Variants in SPATA17 observed in about 807,000 individuals in gnomAD.
SPATA17 encodes spermatogenesis-associated protein 17.
Under a neutral mutation model 62.2 loss-of-function variants are expected in SPATA17, and 53 were observed. The observed-to-expected ratio is 0.85, with a 90% CI of 0.68 to 1.07. The LOEUF is 1.07. Among genes scored for constraint, SPATA17 ranks in the 50% least tolerant of loss-of-function variants. SPATA17 has a pLI of 0.00. For synonymous variants in SPATA17, 146 were observed against 146.8 expected, an observed-to-expected ratio of 0.99 and a Z score of 0.04; for missense variants, 466 against 425.5, an observed-to-expected ratio of 1.10 and a Z score of -0.84.
intron 5 of SPATA17, among the ~76,000 whole-genome samples, chr1:217,718,188 G>A (rs1448163641): frequency 6.6e-6 from 1 of 152,174 alleles, no homozygotes; most frequent in African/African-American, 2.4e-5. Flanking sequence ...AGGAGAAGAT[G>A]AGAATTCAGA....
chr1:217,864,952 T>C (rs577656034), intron 10 of SPATA17, among the ~76,000 whole-genome samples: 5 of 151,736 alleles, frequency 3.3e-5, no homozygotes, highest in African/African-American at 1.2e-4. Flanking sequence ...TATGTTATGG[T>C]TTTTTTTAAT....
At chr1:217,835,517 A>C (rs1675240279) in intron 9 of SPATA17, among the ~76,000 whole-genome samples, 1 of 152,206 alleles carries the variant, frequency 6.6e-6, no homozygotes, top group Admixed American at 6.5e-5. Flanking sequence ...TTTGTAGCAC[A>C]AGGCATAACG....
chr1:217,675,736 A>G (rs1400746326), intron 4 of SPATA17, among the ~76,000 whole-genome samples: 1 of 152,192 alleles, frequency 6.6e-6, no homozygotes, highest in Non-Finnish European at 1.5e-5. Flanking sequence ...TCTGAGGTAT[A>G]GGTATCATTA....
At chr1:217,788,345 TTC>T (rs35176104) in intron 8 of SPATA17, among the ~76,000 whole-genome samples, 40,511 of 151,976 alleles carry the variant, frequency 0.27, 5,758 homozygotes, top group East Asian at 0.52. Flanking sequence ...TCAATTAATT[TTC>T]TGTTAGGCAT....
chr1:217,710,189 C>T (rs1007662855), intron 5 of SPATA17, among the ~76,000 whole-genome samples: 5 of 151,994 alleles, frequency 3.3e-5, no homozygotes, highest in African/African-American at 1.2e-4. Flanking sequence ...AAGAGTGGAC[C>T]TATTACAAAG....
At chr1:217,787,597 C>T (rs1308140534) in intron 8 of SPATA17, among the ~76,000 whole-genome samples, 1 of 152,166 alleles carries the variant, frequency 6.6e-6, no homozygotes, top group Non-Finnish European at 1.5e-5. Flanking sequence ...AACATTAAAA[C>T]TACAACACAT....
At position 217,643,390 on chromosome 1, in the gene SPATA17, T is replaced by C. The variant is rs184661277; in HGVS notation, c.69-5492T>C. On this transcript the variant is annotated intron_variant, in intron 1 of 10. Transcript: ENST00000366933. ...ATCACTCTTGGGCTCTGATTCTCTA[T>C]ACTGGCTACCTTCATGTGCAGATTC... is the stretch of plus-strand genomic sequence containing the variant. 9.7e-4 allele frequency among the ~76,000 whole-genome samples: 147 copies of C among 152,260 alleles called. 1 individual carries two copies. In the Middle Eastern group the frequency reaches 0.027, roughly 28 times the overall value.
intron 5 of SPATA17, among the ~76,000 whole-genome samples, chr1:217,735,467 C>T (rs1050992440): frequency 6.6e-6 from 1 of 152,144 alleles, no homozygotes; most frequent in Non-Finnish European, 1.5e-5. Context: ...CCTCCAAATG[C>T]CATCACATTT....
intron 1 of SPATA17, 141 bp from the exon 2 acceptor site, chr1:217,648,741 T>G (rs970050662): frequency 1.3e-5 from 6 of 447,970 alleles, no homozygotes; most frequent in Admixed American, 8.2e-5. Flanking sequence ...CCTTATTTAT[T>G]TATACTTTAA....
intron 9 of SPATA17, among the ~76,000 whole-genome samples, chr1:217,841,456 G>A (rs1324311404): frequency 1.3e-5 from 2 of 151,824 alleles, no homozygotes; most frequent in Non-Finnish European, 2.9e-5. Flanking sequence ...TAGATGGTGG[G>A]TGCATGACAT....
chr1:217,703,372 A>G (rs1671649355), intron 5 of SPATA17, among the ~76,000 whole-genome samples: 1 of 149,206 alleles, frequency 6.7e-6, no homozygotes, highest in Admixed American at 6.7e-5. Context: ...GGGTTTCGCC[A>G]TGTTGGTCAG....
chr1:217,830,763 A>G (rs1446881990), intron 9 of SPATA17, among the ~76,000 whole-genome samples: 1 of 152,046 alleles, frequency 6.6e-6, no homozygotes, highest in Non-Finnish European at 1.5e-5. Flanking sequence ...GGTGTTATTA[A>G]CTCTGAATTA....
At chr1:217,831,914 C>G (rs1675152076) in intron 9 of SPATA17, among the ~76,000 whole-genome samples, 1 of 152,130 alleles carries the variant, frequency 6.6e-6, no homozygotes, top group Non-Finnish European at 1.5e-5. Flanking sequence ...AGTAGAAATT[C>G]ATATGACTGA....
rs755915558 is a variant in SPATA17, at chr1:217,655,281, ATTAT to A, written c.240+4106_240+4109del. On this transcript the variant is annotated intron_variant, in intron 3 of 10. Coordinates refer to ENST00000366933, the MANE Select transcript of SPATA17 (RefSeq NM_138796.4). Reference sequence around the variant, plus strand: ...AGAGTACAGACTAGTTATTTTTCAGATTATTTCTCAATTTTTGCTTGCTAGTGTT... The same window carrying A: ...AGAGTACAGACTAGTTATTTTTCAGATTCTCAATTTTTGCTTGCTAGTGTT... 5.9e-5 allele frequency among the ~76,000 whole-genome samples: 9 copies of A among 152,028 alleles called. No individual in the cohort carries two copies. The East Asian group carries it at 1.3e-3, about 23-fold the overall frequency.
At chr1:217,773,665 A>G (rs905411039) in intron 6 of SPATA17, among the ~76,000 whole-genome samples, 3 of 152,188 alleles carry the variant, frequency 2.0e-5, no homozygotes, top group African/African-American at 7.2e-5. Flanking sequence ...CATTGATAGA[A>G]CAGCAAGGAT....
intron 9 of SPATA17, among the ~76,000 whole-genome samples, chr1:217,855,776 G>A (rs1163443681): frequency 6.8e-6 from 1 of 146,966 alleles, no homozygotes; most frequent in African/African-American, 2.5e-5. Flanking sequence ...CGCCAGGCTG[G>A]AGTGCACTGG....
At chr1:217,642,682 T>C (rs989499288) in intron 1 of SPATA17, among the ~76,000 whole-genome samples, 2 of 152,194 alleles carry the variant, frequency 1.3e-5, no homozygotes, top group African/African-American at 4.8e-5. Context: ...TCTGATGGTT[T>C]TATAAGTGTC....
At chr1:217,644,848 A>AT (rs745499659) in intron 1 of SPATA17, among the ~76,000 whole-genome samples, 1 of 152,136 alleles carries the variant, frequency 6.6e-6, no homozygotes, top group Non-Finnish European at 1.5e-5. Context: ...GATAATACTG[A>AT]TCATAATAAA....
At chr1:217,811,582 G>T (rs973896768) in intron 9 of SPATA17, among the ~76,000 whole-genome samples, 1 of 151,666 alleles carries the variant, frequency 6.6e-6, no homozygotes, top group African/African-American at 2.4e-5. Flanking sequence ...AATCCCAGCT[G>T]CTCAGGAGGC....
Sources: gnomAD v4.1 joint callset for allele counts (sites outside exome capture counted in the v4.1 genomes callset) on GRCh38, gnomAD v4.1.1 for gene constraint, MANE v1.5 for transcripts, NCBI Gene and HGNC (gene_info 2026-07-23, HGNC 2026-07-21) for gene names.